RPLP0: variants seen among roughly 807,000 people sequenced by gnomAD.
RPLP0 encodes the protein large ribosomal subunit protein uL10.
For synonymous variants in RPLP0, 137 were observed against 153.4 expected, an observed-to-expected ratio of 0.89 and a Z score of 0.79; for missense variants, 276 against 402.9, an observed-to-expected ratio of 0.69 and a Z score of 2.70.
At position 120,198,064 on chromosome 12, in the gene RPLP0, T is replaced by C. The variant is rs1161546016; in HGVS notation, c.651+490A>G. 6.6e-6 allele frequency among the ~76,000 whole-genome samples: 1 copy of C among 151,960 alleles called. No homozygotes were observed. On this transcript the variant is annotated intron_variant, in intron 6 of 7. Transcript: ENST00000392514. This position sits in a 1 kb window ranked among gnomAD's most constrained non-coding sequence, Gnocchi z 4.1. Reference sequence around the variant, plus strand: ...AAAATGTGAGTCTCAATGCAGGCCCTAGAATAACAGCCCCAGCACTGTACA... The same window carrying C: ...AAAATGTGAGTCTCAATGCAGGCCCCAGAATAACAGCCCCAGCACTGTACA...
At chr12:120,200,694 A>C (rs370967854) in intron 2 of RPLP0, 36 bp downstream of exon 2, 36 of 1,598,054 alleles carry the variant, frequency 2.3e-5, no homozygotes, top group African/African-American at 1.3e-5. Flanking sequence ...GCGCTGGGGC[A>C]ACATGAAGAG....
chr12:120,201,101 G>C lies in RPLP0; in HGVS notation c.-67C>G. The C allele has an allele frequency of 2.8e-6, 1 of 353,600 alleles. No homozygotes were observed. Among genetic ancestry groups the C allele is most frequent in the South Asian group, 6.5e-5 (1 of 15,502 alleles). The allele number at this position is 353,600 out of a possible 1,614,324, so 21.9% of individuals were successfully genotyped here. A position where few individuals can be genotyped will look rare whatever the true frequency, so the allele number is the denominator to read the frequency against. ...CACGAACCTTCCACGAGGACGCCTG[G>C]CGAGAGAAGGGCCTCGCGCCCGCGC... On this transcript the variant is annotated 5_prime_UTR_variant, in exon 1 of 8. Transcript: ENST00000392514.
rs1038364618 is a variant in RPLP0, at chr12:120,198,794, T to C, written c.466-55A>G. The C allele has an allele frequency of 9.9e-6, 16 of 1,610,798 alleles. No individual in the cohort carries two copies. The highest frequency in any genetic ancestry group is 1.7e-5 in the Admixed American group (1 of 60,002). ...ACCTGTTGGACAACCAGCAGATCCATGGCCACTAAAAGCAGCTCCCCATTT... is the reference window on the plus strand; with the variant it reads ...ACCTGTTGGACAACCAGCAGATCCACGGCCACTAAAAGCAGCTCCCCATTT... On this transcript the variant is annotated intron_variant, in intron 5 of 7. Coordinates refer to ENST00000392514, the MANE Select transcript of RPLP0 (RefSeq NM_001002.4). The surrounding 1 kb of genome is among the most constrained non-coding windows in gnomAD (Gnocchi z 4.1).
rs1879277881 is a variant in RPLP0, at chr12:120,198,579, T to C, written c.626A>G (p.Glu209Gly). 6.2e-7 allele frequency: 1 copy of C among 1,613,934 alleles called. No individual in the cohort carries two copies. The highest frequency in any genetic ancestry group is 2.2e-5 in the East Asian group (1 of 44,880). Residue 209 changes from glutamate (E) to glycine (G), a missense_variant, in exon 6 of 8, where the codon GAA becomes GGA. By Grantham distance (98) the Glu-to-Gly change is moderately conservative (BLOSUM62 -2). Transcript: ENST00000392514. This position sits in a 1 kb window ranked among gnomAD's most constrained non-coding sequence, Gnocchi z 4.1. ...CTCCAGGAAGCGAGAATGCAGAGTT[T>C]CCTCTGTGATATCAAGCACTTCAGG... is the stretch of plus-strand genomic sequence containing the variant. ...YNPEVLDITE[E>G]TLHSRFLEGV...
In RPLP0 at chr12:120,200,827, T is replaced by C. The variant is rs1359108890; in HGVS notation, c.-44A>G. 1.2e-6 allele frequency: 2 copies of C among 1,600,626 alleles called. No individual in the cohort carries two copies. Among genetic ancestry groups the C allele is most frequent in the Admixed American group, 1.7e-5 (1 of 58,454 alleles). On this transcript the variant is annotated 5_prime_UTR_variant, in exon 2 of 8. Transcript: ENST00000392514. ...ATTGCCACGCAGGGTTTAAAGACGATGTCACTGAGGAGAGACAGGGAGCTC... is the reference window on the plus strand; with the variant it reads ...ATTGCCACGCAGGGTTTAAAGACGACGTCACTGAGGAGAGACAGGGAGCTC...
intron 2 of RPLP0, chr12:120,200,181 G>A: frequency 2.2e-6 from 1 of 447,062 alleles, no homozygotes; most frequent in Non-Finnish European, 4.5e-6. Flanking sequence ...ACTGTAATGT[G>A]CGGCCGGGCG....
intron 2 of RPLP0, chr12:120,199,967 T>C: frequency 2.2e-6 from 1 of 450,440 alleles, no homozygotes; most frequent in Non-Finnish European, 4.5e-6. Context: ...TGGGAAAATG[T>C]AATACAAGCT....
At chr12:120,197,524 G>A (rs778578314) in intron 6 of RPLP0, 62 bp from the exon 7 acceptor site, 36 of 1,570,428 alleles carry the variant, frequency 2.3e-5, no homozygotes, top group Middle Eastern at 3.4e-4. Flanking sequence ...TCCAAGTAAG[G>A]GTGAATAAAG....
At chr12:120,200,975 G>A in intron 1 of RPLP0, 108 bp downstream of exon 1, 1 of 967,802 alleles carries the variant, frequency 1.0e-6, no homozygotes, top group South Asian at 1.8e-5. Flanking sequence ...AGCCGCCACC[G>A]AGGCCCCAGG....
At chr12:120,197,909 A>C in intron 6 of RPLP0, 1 of 162,128 alleles carries the variant, frequency 6.2e-6, no homozygotes, top group East Asian at 1.8e-4. Context: ...ATTTTCTATC[A>C]CTATTATTCA....
intron 2 of RPLP0, 184 bp downstream of exon 2, chr12:120,200,546 T>C (rs1263663813): frequency 1.5e-5 from 9 of 613,038 alleles, no homozygotes; most frequent in Non-Finnish European, 2.2e-5. Flanking sequence ...CCACTTAACT[T>C]GCCTGAGCCC....
chr12:120,199,222 AT>A lies in RPLP0; in HGVS notation c.231-18del. ...GGCAGCAGTCTGCAAAGAGAAGTTT[AT>A]GGGAGACAATCACCTTTCAGCACCA... is the stretch of plus-strand genomic sequence containing the variant. On this transcript the variant is annotated intron_variant, in intron 3 of 7. Coordinates refer to ENST00000392514, the MANE Select transcript of RPLP0 (RefSeq NM_001002.4). 1 of 1,613,480 alleles carries A rather than the reference AT, an allele frequency of 6.2e-7. No individual in the cohort carries two copies. The highest frequency in any genetic ancestry group is 8.5e-7 in the Non-Finnish European group (1 of 1,179,386).
chr12:120,199,522 GAAGA>G (rs1566328316), intron 2 of RPLP0, 37 bp from the exon 3 acceptor site: 4 of 1,592,316 alleles, frequency 2.5e-6, no homozygotes, highest in African/African-American at 1.3e-5. Flanking sequence ...AGTTTAACAG[GAAGA>G]GAGAGGGAAA....
chr12:120,197,488 C>T lies in RPLP0; in HGVS notation c.652-26G>A, dbSNP rs767257247. ...CTGGGGGAGGGAAGATTTCATTTTA[C>T]GTGAGATTCCCTACAGGAAAGGAAG... On this transcript the variant is annotated intron_variant, in intron 6 of 7. Coordinates refer to ENST00000392514, the MANE Select transcript of RPLP0 (RefSeq NM_001002.4). The T allele has an allele frequency of 2.6e-5, 42 of 1,610,750 alleles. 1 individual carries two copies. In the Admixed American group the frequency reaches 5.1e-4, roughly 19 times the overall value.
In RPLP0 at chr12:120,198,971, A is replaced by G. The variant is rs1879292297; in HGVS notation, c.348T>C (p.Ile116=). ...KVPAAARAGA[I]APCEVTVPAQ... ...CTGGCACAGTGACTTCACATGGGGC[A>G]ATGGCACCAGCACGGGCAGCAGCTG... Residue 116 remains isoleucine (I), a synonymous_variant, in exon 5 of 8, where the codon ATT becomes ATC. Transcript: ENST00000392514. This position sits in a 1 kb window ranked among gnomAD's most constrained non-coding sequence, Gnocchi z 4.1. The G allele has an allele frequency of 1.2e-6, 2 of 1,614,132 alleles. No homozygotes were observed. The highest frequency in any genetic ancestry group is 1.7e-6 in the Non-Finnish European group (2 of 1,179,986).
At chr12:120,197,539 C>A (rs936642398) in intron 6 of RPLP0, 77 bp from the exon 7 acceptor site, 6 of 1,528,224 alleles carry the variant, frequency 3.9e-6, no homozygotes, top group East Asian at 2.4e-5. Flanking sequence ...ATAAAGAGAA[C>A]CCTTAGCAGA....
At chr12:120,199,057 G>A in intron 4 of RPLP0, 57 bp from the exon 5 acceptor site, 1 of 1,612,146 alleles carries the variant, frequency 6.2e-7, no homozygotes, top group African/African-American at 1.3e-5. Context: ...CCTGAGAATG[G>A]TCCATTTTGC....
intron 3 of RPLP0, 50 bp from the exon 4 acceptor site, chr12:120,199,255 AG>A: frequency 6.2e-7 from 1 of 1,612,798 alleles, no homozygotes; most frequent in Admixed American, 1.7e-5. Flanking sequence ...ACCATTCTCC[AG>A]GAAGAGGGAG....
At chr12:120,200,623 G>T in intron 2 of RPLP0, 107 bp downstream of exon 2, 3 of 1,236,644 alleles carry the variant, frequency 2.4e-6, no homozygotes, top group East Asian at 2.6e-5. Context: ...CCCAAAAATG[G>T]CCTAATTCAG....
Sources: gnomAD v4.1 joint callset for allele counts (sites outside exome capture counted in the v4.1 genomes callset) on GRCh38, gnomAD v4.1.1 for gene constraint, Gnocchi (gnomAD v3.1) non-coding constraint, MANE v1.5 for transcripts, NCBI Gene and HGNC (gene_info 2026-07-23, HGNC 2026-07-21) for gene names.